The following LPAR1 variants were observed in gnomAD, a reference collection of about 807,000 sequenced individuals.
LPAR1 encodes lysophosphatidic acid receptor 1.
A neutral mutation model predicts 23.8 loss-of-function variants in LPAR1; 5 were observed. The observed-to-expected ratio is 0.21, with a 90% CI of 0.11 to 0.44. The LOEUF (loss-of-function observed/expected upper bound fraction) is 0.44, where lower values mean the gene tolerates loss of function less well. Ranked by LOEUF, LPAR1 falls within the 20% of genes least tolerant of loss-of-function variation. The probability of loss-of-function intolerance (pLI) is 0.99; values close to 1 mark genes in which losing one functional copy is unlikely to be tolerated. For synonymous variants in LPAR1, 160 were observed against 164.7 expected (o/e 0.97, Z 0.22); for missense variants, 311 against 482.8 (o/e 0.64, Z 3.33).
At chr9:111,011,900 G>A (rs2097338231) in intron 2 of LPAR1, among the ~76,000 whole-genome samples, 1 of 152,096 alleles carries the variant, frequency 6.6e-6, no homozygotes, top group African/African-American at 2.4e-5. Context: ...AATAACTAAA[G>A]TCCCCAAATC....
intron 4 of LPAR1, among the ~76,000 whole-genome samples, chr9:110,954,956 A>C (rs2095689065): frequency 6.6e-6 from 1 of 152,202 alleles, no homozygotes; most frequent in Non-Finnish European, 1.5e-5. Context: ...GAGGAAGAGA[A>C]AGAATTCATA....
At chr9:110,913,858 A>G (rs999690237) in intron 5 of LPAR1, among the ~76,000 whole-genome samples, 2 of 152,228 alleles carry the variant, frequency 1.3e-5, no homozygotes, top group African/African-American at 2.4e-5. Context: ...GAAAGGTTAC[A>G]TGCTCAAAGA....
intron 5 of LPAR1, among the ~76,000 whole-genome samples, chr9:110,926,167 G>T (rs557286445): frequency 6.6e-6 from 1 of 152,118 alleles, no homozygotes; most frequent in Non-Finnish European, 1.5e-5. Context: ...TGATCCGCCC[G>T]CCTAGGCCTC....
intron 5 of LPAR1, among the ~76,000 whole-genome samples, chr9:110,876,286 A>G (rs1254284082): frequency 6.6e-6 from 1 of 152,250 alleles, no homozygotes; most frequent in Non-Finnish European, 1.5e-5. Context: ...TGGATTAAAC[A>G]AGTGTTAAGG....
At chr9:111,009,929 C>G (rs2097295330) in intron 2 of LPAR1, among the ~76,000 whole-genome samples, 1 of 142,630 alleles carries the variant, frequency 7.0e-6, no homozygotes, top group Non-Finnish European at 1.5e-5. Flanking sequence ...TTTACAAATT[C>G]TCATTTGTTT....
chr9:110,992,040 A>G lies in LPAR1; in HGVS notation c.-181-18482T>C, dbSNP rs76985706. Among the ~76,000 whole-genome samples the G allele has an allele frequency of 8.8e-4, 134 of 152,002 alleles. 1 individual carries two copies. In the East Asian group the frequency reaches 0.024, roughly 27 times the overall value. ...TCAAAATATCAAAAGCAGGATCTAT[A>G]AAGAACAAACAGAAAAACTGAACTT... On this transcript the variant is annotated intron_variant, in intron 2 of 5. Coordinates refer to ENST00000683809, the MANE Select transcript of LPAR1 (RefSeq NM_001351411.2).
Position 110,946,140 on chromosome 9 carries a change from G to A in LPAR1, c.46-3972C>T, listed in dbSNP as rs118111374. ...AAATTCCAGAAAACTGAAATGGCAG[G>A]TAGAAGACTAAGGAAATTCACCCAA... On this transcript the variant is annotated intron_variant, in intron 4 of 5. Transcript: ENST00000683809. 3.5e-4 allele frequency among the ~76,000 whole-genome samples: 53 copies of A among 152,236 alleles called. No individual in the cohort carries two copies. In the East Asian group the frequency reaches 9.9e-3, roughly 28 times the overall value.
chr9:110,882,337 A>G (rs1269176183), intron 5 of LPAR1, among the ~76,000 whole-genome samples: 1 of 152,220 alleles, frequency 6.6e-6, no homozygotes, highest in Non-Finnish European at 1.5e-5. Context: ...AGTATCTTCC[A>G]TTGGATGAAT....
chr9:110,954,614 G>A (rs1038120551), intron 4 of LPAR1, among the ~76,000 whole-genome samples: 1 of 152,020 alleles, frequency 6.6e-6, no homozygotes, highest in African/African-American at 2.4e-5. Flanking sequence ...ACCCTCATCA[G>A]ACTAACAGAT....
chr9:110,894,260 T>C (rs1250987357), intron 5 of LPAR1, among the ~76,000 whole-genome samples: 2 of 152,214 alleles, frequency 1.3e-5, no homozygotes, highest in East Asian at 3.8e-4. Flanking sequence ...TCATCTTTTA[T>C]AGGAGGAAAG....
intron 4 of LPAR1, among the ~76,000 whole-genome samples, chr9:110,959,043 T>C (rs1455749689): frequency 6.7e-6 from 1 of 149,990 alleles, no homozygotes; most frequent in African/African-American, 2.5e-5. Flanking sequence ...AGAATGGCTA[T>C]TATTAAAAAG....
At chr9:110,966,151 G>A (rs1266360350) in intron 4 of LPAR1, among the ~76,000 whole-genome samples, 1 of 152,018 alleles carries the variant, frequency 6.6e-6, no homozygotes, top group Admixed American at 6.6e-5. Context: ...GGGAGGGAGA[G>A]CATTAGAACA....
At position 110,942,164 on chromosome 9, in the gene LPAR1, G is replaced by A; in HGVS notation, c.50C>T (p.Thr17Ile). The A allele has an allele frequency of 6.3e-7, 1 of 1,599,238 alleles. No individual in the cohort carries two copies. Among genetic ancestry groups the A allele is most frequent in the Non-Finnish European group, 8.5e-7 (1 of 1,174,788 alleles). ...SIPVISQPQF[T>I]AMNEPQCFYN... ...GAAGCACTGTGGTTCATTCATGGCT[G>A]TGAACTAAAAGAAAAAGGAGAAAAG... Residue 17 changes from threonine to isoleucine, a missense_variant, in exon 5 of 6, where the codon ACA becomes ATA. Physicochemically the swap from Thr to Ile is moderately conservative, Grantham distance 89 (BLOSUM62 -1). Around this residue, in one of 2 missense-constraint regions of LPAR1, gnomAD observed 61 missense variants for 55.6 expected, o/e 1.10. Coordinates refer to ENST00000683809, the MANE Select transcript of LPAR1 (RefSeq NM_001351411.2).
In LPAR1 at chr9:110,941,185, T is replaced by C. The variant is rs573550835; in HGVS notation, c.793+236A>G. Among the ~76,000 whole-genome samples, 10 of 152,218 alleles carry C rather than the reference T, an allele frequency of 6.6e-5. No homozygotes were observed. The highest frequency in any genetic ancestry group is 1.3e-4 in the Non-Finnish European group (9 of 68,046). Reference sequence around the variant, plus strand: ...AGCCAAACTCTTCAATGACATCTTTTACATCATCATCATTTATACTGCACC... The same window carrying C: ...AGCCAAACTCTTCAATGACATCTTTCACATCATCATCATTTATACTGCACC... On this transcript the variant is annotated intron_variant, in intron 5 of 5. Coordinates refer to ENST00000683809, the MANE Select transcript of LPAR1 (RefSeq NM_001351411.2). This position sits in a 1 kb window ranked among gnomAD's most constrained non-coding sequence, Gnocchi z 6.1.
rs1453812830 is a variant in LPAR1, at chr9:110,982,929, AATC to A, written c.-181-9374_-181-9372del. 2.6e-5 allele frequency among the ~76,000 whole-genome samples: 4 copies of A among 151,104 alleles called. No homozygotes were observed. In the Admixed American group the frequency reaches 2.7e-4, roughly 10 times the overall value. On this transcript the variant is annotated intron_variant, in intron 2 of 5. Transcript: ENST00000683809. ...ACATGAAGAGATGCTCAACATCACT[AATC>A]ATCAGTAAAATGCAAATGCAAATCA...
At chr9:110,921,951 G>C (rs775280192) in intron 5 of LPAR1, among the ~76,000 whole-genome samples, 1 of 152,194 alleles carries the variant, frequency 6.6e-6, no homozygotes, top group Non-Finnish European at 1.5e-5. Context: ...AACCACATCA[G>C]AGCCTACGGG....
intron 4 of LPAR1, among the ~76,000 whole-genome samples, chr9:110,961,751 G>A (rs2095997217): frequency 6.6e-6 from 1 of 152,070 alleles, no homozygotes; most frequent in African/African-American, 2.4e-5. Flanking sequence ...CATGGCCGCA[G>A]GCAAGAGAGT....
intron 2 of LPAR1, among the ~76,000 whole-genome samples, chr9:110,978,180 T>C (rs916961355): frequency 2.6e-5 from 4 of 152,134 alleles, no homozygotes; most frequent in African/African-American, 9.7e-5. Context: ...ATAGAGCAGG[T>C]AGCCATAGAA....
At chr9:110,994,654 G>C (rs1488271423) in intron 2 of LPAR1, among the ~76,000 whole-genome samples, 1 of 152,166 alleles carries the variant, frequency 6.6e-6, no homozygotes, top group South Asian at 2.1e-4. Context: ...AGTAGAGGAG[G>C]AGGAGAGGAA....
Sources: gnomAD v4.1 joint callset for allele counts (sites outside exome capture counted in the v4.1 genomes callset) on GRCh38, gnomAD v4.1.1 for gene constraint, gnomAD v4.1.1 regional missense constraint, Gnocchi (gnomAD v3.1) non-coding constraint, MANE v1.5 for transcripts, NCBI Gene and HGNC (gene_info 2026-07-23, HGNC 2026-07-21) for gene names.